Variants in GRIN2A observed in about 807,000 individuals in gnomAD.
GRIN2A encodes the protein glutamate receptor ionotropic, NMDA 2A.
A neutral mutation model predicts 113.4 loss-of-function variants in GRIN2A; 22 were observed. The ratio of observed to expected loss-of-function variants is 0.19; its 90% confidence interval spans 0.14 to 0.28. The LOEUF is 0.28. Ranked by LOEUF, GRIN2A falls within the 10% of genes least tolerant of loss-of-function variation. GRIN2A has a pLI of 1.00. For synonymous variants in GRIN2A, 827 were observed against 738.4 expected (o/e 1.12, Z -1.94); for missense variants, 1,502 against 1,887.0 (o/e 0.80, Z 3.78).
intron 2 of GRIN2A, among the ~76,000 whole-genome samples, chr16:9,993,536 A>T (rs2046167300): frequency 6.6e-6 from 1 of 152,214 alleles, no homozygotes; most frequent in South Asian, 2.1e-4. Context: ...AGCCTGGGTG[A>T]CACGAAGTGA....
intron 11 of GRIN2A, among the ~76,000 whole-genome samples, chr16:9,792,350 G>A (rs1902660283): frequency 6.6e-6 from 1 of 152,090 alleles, no homozygotes; most frequent in African/African-American, 2.4e-5. Flanking sequence ...AGCCTCCTGA[G>A]TAGGTGGGCC....
chr16:9,943,702 C>T (rs1178371736), intron 2 of GRIN2A, among the ~76,000 whole-genome samples: 1 of 152,168 alleles, frequency 6.6e-6, no homozygotes, highest in Non-Finnish European at 1.5e-5. Context: ...CTACATGGCC[C>T]CATGGTGATG....
At chr16:10,176,556 G>A (rs901969788) in intron 2 of GRIN2A, among the ~76,000 whole-genome samples, 6 of 152,034 alleles carry the variant, frequency 3.9e-5, no homozygotes, top group African/African-American at 1.4e-4. Flanking sequence ...GTAGGCACAC[G>A]GATGAAGCTG....
chr16:10,004,530 A>G (rs764663992), intron 2 of GRIN2A, among the ~76,000 whole-genome samples: 2 of 152,166 alleles, frequency 1.3e-5, no homozygotes, highest in Non-Finnish European at 2.9e-5. Flanking sequence ...CTGGGCTAAA[A>G]TCAAGGTGTC....
chr16:9,963,665 A>G (rs904300049), intron 2 of GRIN2A, among the ~76,000 whole-genome samples: 3 of 152,264 alleles, frequency 2.0e-5, no homozygotes, highest in African/African-American at 7.2e-5. Flanking sequence ...TCCATAAAGT[A>G]CCACTGAAAC....
chr16:9,854,044 G>A (rs564966723), intron 4 of GRIN2A, among the ~76,000 whole-genome samples: 17 of 152,148 alleles, frequency 1.1e-4, no homozygotes, highest in South Asian at 8.3e-4. Flanking sequence ...TTTTATATGC[G>A]TAATGATTGG....
At chr16:9,771,384 AATTTT>A (rs1286130437) in intron 11 of GRIN2A, among the ~76,000 whole-genome samples, 1 of 151,106 alleles carries the variant, frequency 6.6e-6, no homozygotes, top group Non-Finnish European at 1.5e-5. Context: ...TTTATGTTTT[AATTTT>A]ATTTATTTTA....
intron 2 of GRIN2A, among the ~76,000 whole-genome samples, chr16:10,088,563 G>C (rs2048125793): frequency 6.6e-6 from 1 of 152,178 alleles, no homozygotes; most frequent in Admixed American, 6.5e-5. Context: ...GGCTGTCTGG[G>C]GAACATGCAG....
In GRIN2A at chr16:9,922,327, A is replaced by G. The variant is rs1354973662; in HGVS notation, c.1007+15632T>C. Among the ~76,000 whole-genome samples, 4 of 152,098 alleles carry G rather than the reference A, an allele frequency of 2.6e-5. No individual in the cohort carries two copies. The East Asian group carries it at 7.7e-4, about 29-fold the overall frequency. ...TCTGCAGATTTAAAAAAAAAAAAGG[A>G]GAATCAGAAAAGTTAAGAATCTTAA... On this transcript the variant is annotated intron_variant, in intron 3 of 12. Coordinates refer to ENST00000330684, the MANE Select transcript of GRIN2A (RefSeq NM_001134407.3).
intron 3 of GRIN2A, among the ~76,000 whole-genome samples, chr16:9,906,934 C>T (rs977083442): frequency 5.3e-5 from 8 of 152,278 alleles, no homozygotes; most frequent in South Asian, 4.1e-4. Context: ...CCTCAACCTC[C>T]GGGGCTCAAG....
intron 2 of GRIN2A, among the ~76,000 whole-genome samples, chr16:9,953,875 C>T (rs1385378938): frequency 6.6e-6 from 1 of 152,058 alleles, no homozygotes; most frequent in Non-Finnish European, 1.5e-5. Flanking sequence ...TCAGAGTGGT[C>T]CAGAGGAGTG....
intron 9 of GRIN2A, among the ~76,000 whole-genome samples, chr16:9,825,041 C>T (rs899579786): frequency 2.6e-5 from 4 of 152,112 alleles, no homozygotes; most frequent in Admixed American, 6.5e-5. Flanking sequence ...ACAGAGGTCT[C>T]CATTGTCAGC....
chr16:10,061,984 G>A (rs1013864879), intron 2 of GRIN2A, among the ~76,000 whole-genome samples: 5 of 152,158 alleles, frequency 3.3e-5, no homozygotes, highest in African/African-American at 1.2e-4. Flanking sequence ...AGTACTAAAA[G>A]GGATTTTTGA....
chr16:10,103,841 T>C (rs1246404879), intron 2 of GRIN2A, among the ~76,000 whole-genome samples: 2 of 152,214 alleles, frequency 1.3e-5, no homozygotes, highest in African/African-American at 4.8e-5. Flanking sequence ...TGCTCTATGT[T>C]CAAGATGAAA....
intron 2 of GRIN2A, among the ~76,000 whole-genome samples, chr16:10,121,165 A>G (rs74691082): frequency 0.012 from 1,798 of 149,120 alleles, 41 homozygotes; most frequent in African/African-American, 0.042. Context: ...GCTACACTGT[A>G]TCACACACAC....
intron 2 of GRIN2A, among the ~76,000 whole-genome samples, chr16:9,996,708 A>T (rs1422286909): frequency 6.6e-6 from 1 of 152,168 alleles, no homozygotes; most frequent in Non-Finnish European, 1.5e-5. Flanking sequence ...AGCTCCACCA[A>T]TGGGAAGAGG....
chr16:10,115,187 A>G (rs1006786628), intron 2 of GRIN2A, among the ~76,000 whole-genome samples: 1 of 152,278 alleles, frequency 6.6e-6, no homozygotes, highest in African/African-American at 2.4e-5. Context: ...TCCTTTGTGT[A>G]GAATACATGG....
intron 2 of GRIN2A, among the ~76,000 whole-genome samples, chr16:10,131,113 T>C (rs187311989): frequency 1.3e-5 from 2 of 152,264 alleles, no homozygotes; most frequent in Admixed American, 6.5e-5. Flanking sequence ...TGATGGAAAA[T>C]AGCGGCAGGG....
chr16:9,878,560 C>A (rs570597509), intron 4 of GRIN2A, among the ~76,000 whole-genome samples: 1 of 152,286 alleles, frequency 6.6e-6, no homozygotes, highest in Admixed American at 6.5e-5. Context: ...GGGAACTCAA[C>A]TAATGGTAGC....
Sources: allele counts gnomAD v4.1 joint callset (sites outside exome capture counted in the v4.1 genomes callset), GRCh38; gene constraint gnomAD v4.1.1; transcripts MANE v1.5; gene names NCBI Gene and HGNC (gene_info 2026-07-23, HGNC 2026-07-21).